The following SHANK2 variants were observed in gnomAD, a reference collection of about 807,000 sequenced individuals.
SHANK2 encodes the protein SH3 and multiple ankyrin repeat domains protein 2.
A neutral mutation model predicts 133.7 loss-of-function variants in SHANK2; 43 were observed. That is an observed-to-expected ratio of 0.32 (90% CI 0.25 to 0.41). The LOEUF (loss-of-function observed/expected upper bound fraction) is 0.41, where lower values mean the gene tolerates loss of function less well. Ranked by LOEUF, SHANK2 falls within the 10% of genes least tolerant of loss-of-function variation. The pLI is 1.00. For missense variants in SHANK2, 1,994 were observed against 2,235.8 expected, an observed-to-expected ratio of 0.89 and a Z score of 2.18; for synonymous variants, 1,017 against 952.8, an observed-to-expected ratio of 1.07 and a Z score of -1.24.
At chr11:70,508,650 C>A (rs77595640) in intron 17 of SHANK2, among the ~76,000 whole-genome samples, 1 of 152,128 alleles carries the variant, frequency 6.6e-6, no homozygotes, top group Non-Finnish European at 1.5e-5. Flanking sequence ...CCCAGCACTC[C>A]GGGAGGTTGA....
chr11:70,700,923 T>C (rs1250473956), intron 14 of SHANK2, among the ~76,000 whole-genome samples: 2 of 152,368 alleles, frequency 1.3e-5, no homozygotes, highest in South Asian at 2.1e-4. Flanking sequence ...GACTTGCACC[T>C]TTCCCTAGGG....
chr11:70,784,343 G>GTTTTTTTT lies in SHANK2; in HGVS notation c.1777+14092_1777+14099dup, dbSNP rs71049942. On this transcript the variant is annotated intron_variant, in intron 14 of 25. Coordinates refer to ENST00000601538, the MANE Select transcript of SHANK2 (RefSeq NM_012309.5). ...AGGGCGTGCGCCACCACACCGGCTA[G>GTTTTTTTT]TTTTTTTTTTTTTTTTTTTTTTTTT... Among the ~76,000 whole-genome samples, 239 of 42,852 alleles carry GTTTTTTTT rather than the reference G, an allele frequency of 5.6e-3. 44 individuals carry two copies. Among genetic ancestry groups the GTTTTTTTT allele is most frequent in the African/African-American group, 0.016 (199 of 12,590 alleles). 28.1% of individuals were successfully genotyped at this position (42,852 alleles called of 152,430 possible). A position where few individuals can be genotyped will look rare whatever the true frequency, so the allele number is the denominator to read the frequency against.
chr11:70,516,043 C>T (rs1359960017), intron 17 of SHANK2, among the ~76,000 whole-genome samples: 1 of 152,000 alleles, frequency 6.6e-6, no homozygotes, highest in Non-Finnish European at 1.5e-5. Flanking sequence ...TCTGATGTTC[C>T]TTGGAAGGCA....
chr11:70,835,035 AC>A (rs1240777061), intron 11 of SHANK2, among the ~76,000 whole-genome samples: 1 of 152,120 alleles, frequency 6.6e-6, no homozygotes, highest in Non-Finnish European at 1.5e-5. Context: ...GGTGGGTCTG[AC>A]CACAAAGAGA....
chr11:70,753,827 T>TGTGTGTGTGTG, intron 14 of SHANK2, among the ~76,000 whole-genome samples: 1 of 151,810 alleles, frequency 6.6e-6, no homozygotes, highest in Middle Eastern at 3.4e-3. Context: ...TGTGTGTGTG[T>TGTGTGTGTGTG]TTGAGACAGA....
chr11:70,831,797 G>C (rs111854256), intron 11 of SHANK2, among the ~76,000 whole-genome samples: 69 of 152,342 alleles, frequency 4.5e-4, no homozygotes, highest in African/African-American at 1.4e-3. Context: ...GTTCAGTGGC[G>C]ATCAGACGCC....
At chr11:71,082,675 C>T (rs1951316394) in intron 8 of SHANK2, among the ~76,000 whole-genome samples, 1 of 152,190 alleles carries the variant, frequency 6.6e-6, no homozygotes, top group Non-Finnish European at 1.5e-5. Flanking sequence ...CGCCGTGGGG[C>T]CCAGAGAGGC....
At chr11:70,914,972 A>G (rs782647855) in intron 10 of SHANK2, among the ~76,000 whole-genome samples, 3 of 152,076 alleles carry the variant, frequency 2.0e-5, no homozygotes, top group South Asian at 2.1e-4. Flanking sequence ...TGGAAACAGC[A>G]GGAATCTTGT....
At chr11:71,092,985 T>C (rs1411569349) in intron 7 of SHANK2, among the ~76,000 whole-genome samples, 1 of 132,128 alleles carries the variant, frequency 7.6e-6, no homozygotes, top group Non-Finnish European at 1.6e-5. Flanking sequence ...GAGGTTGCAG[T>C]GATCCAAGAT....
chr11:70,643,325 A>G (rs1339453182), intron 17 of SHANK2, among the ~76,000 whole-genome samples: 4 of 152,174 alleles, frequency 2.6e-5, no homozygotes, highest in Admixed American at 2.6e-4. Context: ...GCACTTTGGG[A>G]GGCCGAGGCG....
intron 17 of SHANK2, among the ~76,000 whole-genome samples, chr11:70,644,883 C>T (rs2061239167): frequency 6.6e-6 from 1 of 152,186 alleles, no homozygotes; most frequent in African/African-American, 2.4e-5. Context: ...TTTAAGATGA[C>T]CCCAGCCTGG....
At chr11:70,749,285 G>GCA (rs1349038020) in intron 14 of SHANK2, among the ~76,000 whole-genome samples, 1 of 152,194 alleles carries the variant, frequency 6.6e-6, no homozygotes, top group Admixed American at 6.5e-5. Flanking sequence ...ATCTGCAAAA[G>GCA]CCCCAGGCTG....
At chr11:70,738,554 T>C (rs1239015903) in intron 14 of SHANK2, among the ~76,000 whole-genome samples, 1 of 152,212 alleles carries the variant, frequency 6.6e-6, no homozygotes, top group Non-Finnish European at 1.5e-5. Context: ...TCTACAAAGC[T>C]GCCCCATGGT....
chr11:70,910,731 C>T (rs1167071631), intron 10 of SHANK2, among the ~76,000 whole-genome samples: 1 of 151,698 alleles, frequency 6.6e-6, no homozygotes, highest in African/African-American at 2.4e-5. Flanking sequence ...CACTTGAACC[C>T]GGGAGGCAGA....
At chr11:71,215,110 A>G (rs1166296000) in intron 2 of SHANK2, among the ~76,000 whole-genome samples, 1 of 152,206 alleles carries the variant, frequency 6.6e-6, no homozygotes, top group Non-Finnish European at 1.5e-5. Flanking sequence ...TCAGGCAGGC[A>G]TGCCCCGATG....
intron 14 of SHANK2, 64 bp downstream of exon 14, chr11:70,798,376 ACAC>A: frequency 1.4e-6 from 1 of 710,290 alleles, no homozygotes; most frequent in Non-Finnish European, 2.6e-6. Flanking sequence ...GCCACGGACA[ACAC>A]CGACCACGGG....
chr11:71,065,692 C>G (rs1951044401), intron 9 of SHANK2, among the ~76,000 whole-genome samples: 1 of 132,008 alleles, frequency 7.6e-6, no homozygotes, highest in African/African-American at 2.9e-5. Flanking sequence ...CGGAACTCTT[C>G]CAGGGAGATG....
chr11:70,861,975 G>T (rs1424286586), intron 11 of SHANK2, among the ~76,000 whole-genome samples: 2 of 152,012 alleles, frequency 1.3e-5, no homozygotes, highest in Non-Finnish European at 2.9e-5. Context: ...AATGCAGAGA[G>T]CAGGGGGCAG....
rs113352382 is a variant in SHANK2, at chr11:70,477,084, C to T, written c.4980-3645G>A. Among the ~76,000 whole-genome samples the T allele has an allele frequency of 5.4e-3, 825 of 152,292 alleles. 11 individuals are homozygous for T. The highest frequency in any genetic ancestry group is 0.019 in the African/African-American group (794 of 41,562). Reference sequence around the variant, plus strand: ...CGAAGAGGAGGCTCTGCAAACACCTCGGTGGGCAGCGGGAGCGCGAGAGTG... The same window carrying T: ...CGAAGAGGAGGCTCTGCAAACACCTTGGTGGGCAGCGGGAGCGCGAGAGTG... On this transcript the variant is annotated intron_variant, in intron 25 of 25. Transcript: ENST00000601538.
Sources: allele counts gnomAD v4.1 joint callset (sites outside exome capture counted in the v4.1 genomes callset), GRCh38; gene constraint gnomAD v4.1.1; transcripts MANE v1.5; gene names NCBI Gene and HGNC (gene_info 2026-07-23, HGNC 2026-07-21).